Variants in CHN2 observed in about 807,000 individuals in gnomAD.
The protein encoded by CHN2 is beta-chimaerin.
In CHN2, 35 loss-of-function variants were observed where a neutral mutation model predicts 56.3. The observed-to-expected ratio is 0.62, with a 90% CI of 0.47 to 0.82. The LOEUF (loss-of-function observed/expected upper bound fraction) is 0.82, where lower values mean the gene tolerates loss of function less well. CHN2 is among the 40% of genes least tolerant of loss of function. The probability of loss-of-function intolerance (pLI) is 0.00; values close to 1 mark genes in which losing one functional copy is unlikely to be tolerated. For missense variants in CHN2, 491 were observed against 580.5 expected (o/e 0.85, Z 1.58); for synonymous variants, 210 against 212.8 (o/e 0.99, Z 0.12).
At chr7:29,506,708 T>G (rs1019567944) in intron 10 of CHN2, among the ~76,000 whole-genome samples, 2 of 152,116 alleles carry the variant, frequency 1.3e-5, no homozygotes, top group African/African-American at 4.8e-5. Context: ...TTTCCCAGAT[T>G]AAAGTCCTAG....
chr7:29,328,813 TG>T (rs1459028276), intron 1 of CHN2, among the ~76,000 whole-genome samples: 3 of 152,092 alleles, frequency 2.0e-5, no homozygotes, highest in Non-Finnish European at 4.4e-5. Flanking sequence ...TAGCCTAAAA[TG>T]ACAAGTCGAG....
chr7:29,247,364 G>A (rs1049085986), intron 1 of CHN2, among the ~76,000 whole-genome samples: 2 of 152,204 alleles, frequency 1.3e-5, no homozygotes, highest in African/African-American at 4.8e-5. Flanking sequence ...GTGTCACACA[G>A]GCCTGGCTGC....
At chr7:29,409,236 G>A (rs1349356383) in intron 6 of CHN2, among the ~76,000 whole-genome samples, 1 of 152,098 alleles carries the variant, frequency 6.6e-6, no homozygotes, top group Non-Finnish European at 1.5e-5. Flanking sequence ...TCGGCCTCAG[G>A]ACCCCTCTAT....
At chr7:29,202,754 C>T (rs964082534) in intron 1 of CHN2, among the ~76,000 whole-genome samples, 7 of 152,222 alleles carry the variant, frequency 4.6e-5, no homozygotes, top group African/African-American at 1.7e-4. Context: ...GGGTATTGTC[C>T]TTTTCAAGGA....
intron 1 of CHN2, among the ~76,000 whole-genome samples, chr7:29,272,381 G>C (rs944196632): frequency 1.1e-4 from 16 of 152,118 alleles, no homozygotes; most frequent in Admixed American, 2.6e-4. Flanking sequence ...CATTCTCTCT[G>C]CCTTGCCAGG....
chr7:29,360,244 G>A (rs1055968521), intron 2 of CHN2, among the ~76,000 whole-genome samples: 7 of 152,186 alleles, frequency 4.6e-5, no homozygotes, highest in African/African-American at 1.4e-4. Flanking sequence ...CATTCTGGCC[G>A]GGTGCAGTGG....
At chr7:29,413,916 T>C (rs1051320381) in intron 6 of CHN2, among the ~76,000 whole-genome samples, 3 of 152,210 alleles carry the variant, frequency 2.0e-5, no homozygotes, top group Admixed American at 2.0e-4. Context: ...TCTGGACTGA[T>C]TTGTTCTTAT....
At chr7:29,249,635 G>A (rs1222918475) in intron 1 of CHN2, among the ~76,000 whole-genome samples, 1 of 152,176 alleles carries the variant, frequency 6.6e-6, no homozygotes, top group Non-Finnish European at 1.5e-5. Flanking sequence ...TAAGCCATTT[G>A]TCTTTTTCCT....
chr7:29,312,340 CT>C (rs1794660844), intron 1 of CHN2, among the ~76,000 whole-genome samples: 1 of 152,118 alleles, frequency 6.6e-6, no homozygotes, highest in Admixed American at 6.5e-5. Flanking sequence ...TTCCGTTCCC[CT>C]GAACCTTGCC....
intron 6 of CHN2, among the ~76,000 whole-genome samples, chr7:29,432,192 G>A (rs1273203007): frequency 6.6e-6 from 1 of 152,022 alleles, no homozygotes; most frequent in Admixed American, 6.6e-5. Flanking sequence ...TTGATACACT[G>A]CCTTTTGACG....
At chr7:29,306,845 G>C (rs1562905825) in intron 1 of CHN2, among the ~76,000 whole-genome samples, 1 of 152,190 alleles carries the variant, frequency 6.6e-6, no homozygotes, top group South Asian at 2.1e-4. Flanking sequence ...TGGGTGATTT[G>C]CATTCTGCAG....
chr7:29,354,316 A>G (rs112038174), intron 1 of CHN2, among the ~76,000 whole-genome samples: 48 of 152,350 alleles, frequency 3.2e-4, no homozygotes, highest in African/African-American at 1.1e-3. Context: ...ATACCATTTG[A>G]AAGGATTACT....
chr7:29,238,762 C>A (rs1019844572), intron 1 of CHN2, among the ~76,000 whole-genome samples: 3 of 152,112 alleles, frequency 2.0e-5, no homozygotes, highest in African/African-American at 7.2e-5. Flanking sequence ...AATGAGGGGA[C>A]TGGTTAGTGG....
At chr7:29,183,465 C>T (rs906906597) in intron 2 of CHN2, among the ~76,000 whole-genome samples, 2 of 151,612 alleles carry the variant, frequency 1.3e-5, no homozygotes, top group South Asian at 2.1e-4. Context: ...CAACTTTTGT[C>T]TCTTGGGTTC....
chr7:29,204,480 T>A (rs1336075688), intron 1 of CHN2, among the ~76,000 whole-genome samples: 1 of 152,226 alleles, frequency 6.6e-6, no homozygotes, highest in Non-Finnish European at 1.5e-5. Context: ...ACAGTGCTTG[T>A]CCTCAGAGAC....
chr7:29,228,009 G>A (rs566659474), intron 1 of CHN2, among the ~76,000 whole-genome samples: 1 of 152,042 alleles, frequency 6.6e-6, no homozygotes, highest in African/African-American at 2.4e-5. Flanking sequence ...GCTTCAGATT[G>A]TATGACAAAT....
intron 1 of CHN2, among the ~76,000 whole-genome samples, chr7:29,205,563 C>G (rs770322009): frequency 3.3e-5 from 5 of 152,178 alleles, no homozygotes; most frequent in Admixed American, 6.5e-5. Flanking sequence ...AGGTTCCTTT[C>G]CTGAGTGGTA....
chr7:29,427,712 A>C (rs1805019063), intron 6 of CHN2, among the ~76,000 whole-genome samples: 1 of 138,062 alleles, frequency 7.2e-6, no homozygotes, highest in African/African-American at 2.8e-5. Context: ...GCTGGAGTGC[A>C]GTGGCGCGAT....
At chr7:29,508,085 C>A (rs1287695580) in intron 11 of CHN2, among the ~76,000 whole-genome samples, 2 of 152,200 alleles carry the variant, frequency 1.3e-5, no homozygotes. Flanking sequence ...CAGTTTAATT[C>A]TCTCATGTAC....
Sources: gnomAD v4.1 joint callset for allele counts (sites outside exome capture counted in the v4.1 genomes callset) on GRCh38, gnomAD v4.1.1 for gene constraint, MANE v1.5 for transcripts, NCBI Gene and HGNC (gene_info 2026-07-23, HGNC 2026-07-21) for gene names.